SORCS2: variants seen among roughly 807,000 people sequenced by gnomAD.
The protein encoded by SORCS2 is sortilin related VPS10 domain containing receptor 2.
Under a neutral mutation model 141.6 loss-of-function variants are expected in SORCS2, and 100 were observed. The observed-to-expected ratio is 0.71, with a 90% CI of 0.60 to 0.83. The LOEUF is 0.83. SORCS2 is among the 40% of genes least tolerant of loss of function. The pLI, the probability that SORCS2 is intolerant of heterozygous loss-of-function variation, is 0.00. For missense variants in SORCS2, 1,646 were observed against 1,560.2 expected (o/e 1.05, Z -0.93); for synonymous variants, 789 against 676.9 (o/e 1.17, Z -2.57).
intron 1 of SORCS2, among the ~76,000 whole-genome samples, chr4:7,208,874 G>C (rs995529631): frequency 4.6e-5 from 7 of 152,228 alleles, no homozygotes; most frequent in African/African-American, 1.2e-4. Flanking sequence ...GGCCAGCCTG[G>C]TCTGTGTGAC....
intron 1 of SORCS2, among the ~76,000 whole-genome samples, chr4:7,358,987 T>C (rs1213488284): frequency 6.6e-6 from 1 of 152,164 alleles, no homozygotes; most frequent in Non-Finnish European, 1.5e-5. Flanking sequence ...TACAGGTGCA[T>C]ACCACAACAC....
intron 1 of SORCS2, among the ~76,000 whole-genome samples, chr4:7,390,058 C>T (rs1456675648): frequency 2.0e-5 from 3 of 152,304 alleles, no homozygotes; most frequent in South Asian, 2.1e-4. Flanking sequence ...GGCCAGTCCC[C>T]ACTGTGAGGG....
chr4:7,261,791 G>A (rs1470293770), intron 1 of SORCS2, among the ~76,000 whole-genome samples: 1 of 152,224 alleles, frequency 6.6e-6, no homozygotes, highest in African/African-American at 2.4e-5. Flanking sequence ...GAGCTCAGAG[G>A]CTGTGCCCTG....
At chr4:7,499,368 G>A (rs1457172031) in intron 2 of SORCS2, among the ~76,000 whole-genome samples, 2 of 152,138 alleles carry the variant, frequency 1.3e-5, no homozygotes, top group African/African-American at 2.4e-5. Flanking sequence ...AGGTGCTTGA[G>A]CAGGGAAGGG....
In SORCS2 at chr4:7,213,341, G is replaced by C. The variant is rs1412481666; in HGVS notation, c.480+20215G>C. 3.3e-5 allele frequency among the ~76,000 whole-genome samples: 5 copies of C among 152,244 alleles called. No individual in the cohort carries two copies. In the East Asian group the frequency reaches 9.6e-4, roughly 29 times the overall value. ...GAGGCACAGAGGCAAGCTGTCTTGG[G>C]AGAGCTGGGACCTTTGTGTCCAGGG... On this transcript the variant is annotated intron_variant, in intron 1 of 26. Coordinates refer to ENST00000507866, the MANE Select transcript of SORCS2 (RefSeq NM_020777.3).
rs537161882 is a variant in SORCS2 at position 7,540,092 on chromosome 4, C to T, written c.648+8463C>T. Among the ~76,000 whole-genome samples, 132 of 145,430 alleles carry T rather than the reference C, an allele frequency of 9.1e-4. 2 individuals carry two copies. Among genetic ancestry groups the T allele is most frequent in the African/African-American group, 2.9e-3 (113 of 38,950 alleles). On this transcript the variant is annotated intron_variant, in intron 3 of 26. Transcript: ENST00000507866. ...CCCGCCCCTCCTGTTATGGAGGCCC[C>T]GCCCCCTTTGTGCTGTGGGGCCCCA...
chr4:7,687,648 T>C (rs1723961146), intron 10 of SORCS2, among the ~76,000 whole-genome samples: 1 of 152,154 alleles, frequency 6.6e-6, no homozygotes, highest in African/African-American at 2.4e-5. Flanking sequence ...CTTCAGGATG[T>C]GCGTCTGCAA....
At chr4:7,714,591 G>T (rs1726061356) in intron 16 of SORCS2, among the ~76,000 whole-genome samples, 1 of 152,208 alleles carries the variant, frequency 6.6e-6, no homozygotes, top group Admixed American at 6.5e-5. Flanking sequence ...ATTTGTGGGT[G>T]CATTTTTAAA....
At chr4:7,619,771 G>A (rs966669861) in intron 3 of SORCS2, among the ~76,000 whole-genome samples, 3 of 152,190 alleles carry the variant, frequency 2.0e-5, no homozygotes, top group Non-Finnish European at 4.4e-5. Context: ...GTATCAGGCC[G>A]ATACTCACGT....
chr4:7,455,408 A>C (rs1341807194), intron 2 of SORCS2, among the ~76,000 whole-genome samples: 3 of 105,894 alleles, frequency 2.8e-5, no homozygotes, highest in Non-Finnish European at 5.4e-5. Flanking sequence ...TGTTGGGGTC[A>C]GGCACTGTGT....
At chr4:7,222,509 G>C (rs1359997119) in intron 1 of SORCS2, among the ~76,000 whole-genome samples, 2 of 133,814 alleles carry the variant, frequency 1.5e-5, no homozygotes, top group Admixed American at 7.1e-5. Flanking sequence ...GGTAGCTAAC[G>C]GGCATGGTGA....
At position 7,653,654 on chromosome 4, in the gene SORCS2, G is replaced by GA. The variant is rs1721572988; in HGVS notation, c.814-479dup. Reference sequence around the variant, plus strand: ...GGCGATGGCACTGGTCATACGCTGTGAGGCTGGCCCTGGTGTCAGGCCCCA... The same window carrying GA: ...GGCGATGGCACTGGTCATACGCTGTGAAGGCTGGCCCTGGTGTCAGGCCCCA... On this transcript the variant is annotated intron_variant, in intron 4 of 26. Transcript: ENST00000507866. Among the ~76,000 whole-genome samples, 3 of 152,266 alleles carry GA rather than the reference G, an allele frequency of 2.0e-5. No individual in the cohort carries two copies. The South Asian group carries it at 6.2e-4, about 32-fold the overall frequency.
At chr4:7,667,238 G>T in intron 8 of SORCS2, 25 bp downstream of exon 8, 1 of 1,608,032 alleles carries the variant, frequency 6.2e-7, no homozygotes, top group Non-Finnish European at 8.5e-7. Flanking sequence ...ATTCCGCCTG[G>T]TCCTGTGGCC....
At chr4:7,258,765 G>A (rs529805419) in intron 1 of SORCS2, among the ~76,000 whole-genome samples, 22 of 152,166 alleles carry the variant, frequency 1.4e-4, no homozygotes, top group Admixed American at 5.9e-4. Flanking sequence ...TCCCGCCAAC[G>A]GTGGGAAACA....
chr4:7,690,800 G>T (rs1331439648), intron 11 of SORCS2, among the ~76,000 whole-genome samples: 1 of 152,166 alleles, frequency 6.6e-6, no homozygotes, highest in African/African-American at 2.4e-5. Context: ...TTAGTGGGGG[G>T]AGAAAAACAA....
chr4:7,382,604 A>T (rs1723056629), intron 1 of SORCS2, among the ~76,000 whole-genome samples: 1 of 152,214 alleles, frequency 6.6e-6, no homozygotes, highest in African/African-American at 2.4e-5. Flanking sequence ...CTGTATGTTT[A>T]GTACTTTCCC....
At chr4:7,386,062 G>T (rs577065010) in intron 1 of SORCS2, among the ~76,000 whole-genome samples, 1 of 152,110 alleles carries the variant, frequency 6.6e-6, no homozygotes, top group Admixed American at 6.5e-5. Context: ...GAGTGGCTCT[G>T]TTGCCTGCGC....
chr4:7,715,993 A>C (rs900380860), intron 17 of SORCS2, among the ~76,000 whole-genome samples: 3 of 152,246 alleles, frequency 2.0e-5, no homozygotes, highest in African/African-American at 7.2e-5. Context: ...CAAGCTGTGC[A>C]TGAGGGGAAG....
intron 4 of SORCS2, among the ~76,000 whole-genome samples, chr4:7,646,970 G>C (rs754925021): frequency 1.7e-4 from 26 of 152,166 alleles, no homozygotes; most frequent in Non-Finnish European, 3.4e-4. Context: ...GGTTTGGTGG[G>C]AACAGGGCCC....
Sources: gnomAD v4.1 joint callset for allele counts (sites outside exome capture counted in the v4.1 genomes callset) on GRCh38, gnomAD v4.1.1 for gene constraint, MANE v1.5 for transcripts, NCBI Gene and HGNC (gene_info 2026-07-23, HGNC 2026-07-21) for gene names.